The following POLN variants were observed in gnomAD, a reference collection of about 807,000 sequenced individuals.
The protein encoded by POLN is DNA polymerase nu, also known as DNA polymerase N.
In POLN, 108 loss-of-function variants were observed where a neutral mutation model predicts 113.5. The ratio of observed to expected loss-of-function variants is 0.95; its 90% CI spans 0.81 to 1.12. The LOEUF is 1.12. Among genes scored for constraint, POLN ranks in the 50% most tolerant of loss-of-function variants. The pLI, the probability that POLN is intolerant of heterozygous loss-of-function variation, is 0.00. For synonymous variants in POLN, 386 were observed against 391.5 expected (o/e 0.99, Z 0.17); for missense variants, 1,097 against 1,077.1 (o/e 1.02, Z -0.26).
At chr4:2,205,585 C>T (rs1047722825) in intron 5 of POLN, among the ~76,000 whole-genome samples, 10 of 152,232 alleles carry the variant, frequency 6.6e-5, no homozygotes, top group African/African-American at 2.4e-4. Flanking sequence ...CTATAAAAAA[C>T]AGTCCTAGGC....
intron 7 of POLN, among the ~76,000 whole-genome samples, chr4:2,180,323 G>C (rs559930901): frequency 6.6e-6 from 1 of 152,192 alleles, no homozygotes; most frequent in Non-Finnish European, 1.5e-5. Flanking sequence ...GGGCGGGCTA[G>C]AAATCAATAG....
chr4:2,157,758 C>G, intron 15 of POLN, 100 bp downstream of exon 15: 1 of 464,200 alleles, frequency 2.2e-6, no homozygotes, highest in Non-Finnish European at 3.6e-6. Context: ...AATATTTAGA[C>G]GATTTCATCA....
intron 16 of POLN, among the ~76,000 whole-genome samples, chr4:2,147,344 TC>T (rs997798369): frequency 6.6e-6 from 1 of 152,088 alleles, no homozygotes; most frequent in African/African-American, 2.4e-5. Flanking sequence ...AGAAAAAAGG[TC>T]CTCAACACCT....
chr4:2,132,313 GAAC>G (rs1397411254), intron 16 of POLN, among the ~76,000 whole-genome samples: 1 of 152,076 alleles, frequency 6.6e-6, no homozygotes, highest in Non-Finnish European at 1.5e-5. Flanking sequence ...AAGAAGGGAA[GAAC>G]AATAAACAAA....
At position 2,240,636 on chromosome 4, in the gene POLN, T is replaced by C. The variant is rs779017011; in HGVS notation, c.-13+884A>G. 4 of 1,613,726 alleles carry C rather than the reference T, an allele frequency of 2.5e-6. No individual in the cohort carries two copies. In the South Asian group the frequency reaches 4.4e-5, roughly 18 times the overall value. On this transcript the variant is annotated intron_variant, in intron 2 of 25. Transcript: ENST00000511885. ...TAATTTCAGTAGAGTTTGAACCTCA[T>C]CCTCTAATTTCTCCAGCTCTTTATC... is the stretch of plus-strand genomic sequence containing the variant.
intron 20 of POLN, chr4:2,089,817 A>T: frequency 1.2e-6 from 1 of 833,068 alleles, no homozygotes; most frequent in African/African-American, 1.7e-5. Flanking sequence ...CAGATGGATG[A>T]AGTCTCAACA....
chr4:2,077,755 G>A (rs1730309623), intron 23 of POLN, among the ~76,000 whole-genome samples: 2 of 152,244 alleles, frequency 1.3e-5, no homozygotes, highest in Non-Finnish European at 2.9e-5. Context: ...AAGAATAGGT[G>A]CAGTTGTCAG....
chr4:2,088,924 A>C, intron 20 of POLN: 3 of 1,168,468 alleles, frequency 2.6e-6, no homozygotes, highest in Non-Finnish European at 3.7e-6. Context: ...TTGAGGCAAA[A>C]GCTGAAGGTC....
intron 16 of POLN, among the ~76,000 whole-genome samples, chr4:2,154,153 A>G (rs6599408): frequency 0.85 from 119,453 of 141,196 alleles, 51,526 homozygotes; most frequent in Non-Finnish European, 0.94. Context: ...AGCTGAGATC[A>G]CGCCACTGCA....
In POLN at chr4:2,093,091, T is replaced by G. The variant is rs1577686892; in HGVS notation, c.2065+2760A>C. On this transcript the variant is annotated intron_variant, in intron 20 of 25. Transcript: ENST00000511885. This position sits in a 1 kb window ranked among gnomAD's most constrained non-coding sequence, Gnocchi z 4.1. ...TATTTACAAAATGTAGCTCTTTTCC[T>G]CTCCAGAAAAAAAAAAAAAGTGAAT... Among the ~76,000 whole-genome samples, 1 of 149,668 alleles carries G rather than the reference T, an allele frequency of 6.7e-6. No individual in the cohort carries two copies. Among genetic ancestry groups the G allele is most frequent in the Admixed American group, 6.6e-5 (1 of 15,130 alleles).
intron 18 of POLN, 123 bp downstream of exon 18, chr4:2,129,056 C>CAAA (rs542873881): frequency 4.4e-4 from 128 of 288,180 alleles, no homozygotes; most frequent in South Asian, 7.6e-4. Context: ...ACTCTTGTCT[C>CAAA]AAAAAAAAAA....
intron 16 of POLN, among the ~76,000 whole-genome samples, chr4:2,154,198 C>CAAA (rs58879582): frequency 1.1e-4 from 7 of 63,922 alleles, no homozygotes; most frequent in African/African-American, 3.9e-4. Context: ...TCCATCTCAA[C>CAAA]AAAAAAAAAA....
At chr4:2,132,546 T>A (rs1034256896) in intron 16 of POLN, among the ~76,000 whole-genome samples, 2 of 152,162 alleles carry the variant, frequency 1.3e-5, no homozygotes, top group Non-Finnish European at 2.9e-5. Context: ...AACATCATAA[T>A]CAAACTGCTG....
intron 16 of POLN, among the ~76,000 whole-genome samples, chr4:2,153,836 A>T (rs879734153): frequency 9.2e-5 from 14 of 151,976 alleles, no homozygotes; most frequent in Non-Finnish European, 1.9e-4. Context: ...CACCCACCTC[A>T]GCCTCCCAGA....
intron 21 of POLN, chr4:2,082,549 A>G (rs1730446708): frequency 6.6e-6 from 1 of 152,258 alleles, no homozygotes; most frequent in Non-Finnish European, 1.5e-5. Flanking sequence ...AGCTGACTAT[A>G]TTCCTGACCA....
At chr4:2,077,856 G>A (rs1350291031) in intron 23 of POLN, among the ~76,000 whole-genome samples, 2 of 152,184 alleles carry the variant, frequency 1.3e-5, no homozygotes, top group East Asian at 1.9e-4. Context: ...GACGTCTGTC[G>A]TCTCCGTGTG....
In POLN at chr4:2,074,894, A is replaced by G. The variant is rs1405531738; in HGVS notation, c.2455+558T>C. Among the ~76,000 whole-genome samples the G allele has an allele frequency of 2.0e-5, 3 of 151,770 alleles. No individual in the cohort carries two copies. The East Asian group carries it at 5.8e-4, about 29-fold the overall frequency. Reference sequence around the variant, plus strand: ...GGCCCTCCCAAGGGAGAGAGAAAGAACCCCTTGGGCTGACCGCTGGGGTGA... The same window carrying G: ...GGCCCTCCCAAGGGAGAGAGAAAGAGCCCCTTGGGCTGACCGCTGGGGTGA... On this transcript the variant is annotated intron_variant, in intron 24 of 25. Coordinates refer to ENST00000511885, the MANE Select transcript of POLN (RefSeq NM_181808.4).
At chr4:2,084,284 C>CTG (rs1005915103) in intron 21 of POLN, among the ~76,000 whole-genome samples, 1 of 152,252 alleles carries the variant, frequency 6.6e-6, no homozygotes, top group Admixed American at 6.5e-5. Flanking sequence ...CCAGCCCTAC[C>CTG]TGTTCTCTGG....
chr4:2,175,191 C>T (rs1732966336), intron 9 of POLN, among the ~76,000 whole-genome samples: 1 of 152,022 alleles, frequency 6.6e-6, no homozygotes, highest in African/African-American at 2.4e-5. Flanking sequence ...GGTCTCCCAC[C>T]CAACCTCGAC....
Sources: allele counts gnomAD v4.1 joint callset (sites outside exome capture counted in the v4.1 genomes callset), GRCh38; gene constraint gnomAD v4.1.1; non-coding constraint Gnocchi (gnomAD v3.1); transcripts MANE v1.5; gene names NCBI Gene and HGNC (gene_info 2026-07-23, HGNC 2026-07-21).